The following TRIB3 variants were observed in gnomAD, a reference collection of about 807,000 sequenced individuals.
TRIB3 encodes tribbles pseudokinase 3.
In TRIB3, 20 loss-of-function variants were observed where a neutral mutation model predicts 16.6. That is an observed-to-expected ratio of 1.20 (90% CI 0.85 to 1.75). The LOEUF (loss-of-function observed/expected upper bound fraction) is 1.75, where lower values mean the gene tolerates loss of function less well. Ranked by LOEUF, TRIB3 falls within the 40% of genes most tolerant of loss-of-function variation. TRIB3 has a pLI of 0.00. For missense variants in TRIB3, 484 were observed against 488.9 expected (o/e 0.99, Z 0.10); for synonymous variants, 208 against 217.0 (o/e 0.96, Z 0.36).
In TRIB3 at chr20:396,641, A is replaced by T; in HGVS notation, c.1028A>T (p.Asp343Val). The change falls in exon 4 of 4, where the codon GAC becomes GTC. Residue 343 changes from aspartate to valine, a missense_variant. Asp to Val is a radical substitution (Grantham distance 152). Transcript: ENST00000217233. ...AQVVPDGLGL[D>V]EAREEEGDRE... is the part of the protein sequence containing the mutation. ...GTGGTCCCTGATGGACTGGGGCTGGACGAAGCCAGGGAAGAGGAGGGAGAC... is the reference window on the plus strand; with the variant it reads ...GTGGTCCCTGATGGACTGGGGCTGGTCGAAGCCAGGGAAGAGGAGGGAGAC... 6.2e-7 allele frequency: 1 copy of T among 1,612,928 alleles called. No homozygotes were observed.
At position 385,190 on chromosome 20, in the gene TRIB3, G is replaced by A. The variant is rs535609202; in HGVS notation, c.1-2821G>A. ...TGCAATGACACTATCTCAGCTCACC[G>A]CAACCTTTGCCTCCTGGGTTCAAGC... On this transcript the variant is annotated intron_variant, in intron 1 of 3. Transcript: ENST00000217233. Among the ~76,000 whole-genome samples the A allele has an allele frequency of 7.9e-5, 12 of 152,224 alleles. No homozygotes were observed. The South Asian group carries it at 1.2e-3, about 16-fold the overall frequency.
chr20:394,933 G>A (rs768580981), intron 3 of TRIB3, among the ~76,000 whole-genome samples: 31 of 152,068 alleles, frequency 2.0e-4, no homozygotes, highest in African/African-American at 6.5e-4. Context: ...ACCTGCCTGA[G>A]CCTTTGTTTC....
intron 3 of TRIB3, among the ~76,000 whole-genome samples, chr20:391,797 G>A (rs1471464239): frequency 6.6e-6 from 1 of 152,208 alleles, no homozygotes; most frequent in East Asian, 1.9e-4. Context: ...CGAGGTGGGT[G>A]AATCACTTGA....
Position 388,235 on chromosome 20 carries a change from G to A in TRIB3, c.225G>A (p.Glu75=), listed in dbSNP as rs1471155026. ...ASRLGPYVLL[E]PEEGGRAYQA... is the part of the protein sequence containing the mutation. Reference sequence around the variant, plus strand: ...GTCTTGGGCCCTATGTCCTCCTGGAGCCCGAGGAGGGCGGGCGGGCCTACC... The same window carrying A: ...GTCTTGGGCCCTATGTCCTCCTGGAACCCGAGGAGGGCGGGCGGGCCTACC... The change falls in exon 2 of 4, where the codon GAG becomes GAA. Residue 75 remains glutamate (E), a synonymous_variant. Transcript: ENST00000217233. 2 of 1,613,628 alleles carry A rather than the reference G, an allele frequency of 1.2e-6. No individual in the cohort carries two copies. Among genetic ancestry groups the A allele is most frequent in the South Asian group, 2.2e-5 (2 of 91,086 alleles).
chr20:392,296 G>A (rs759570467), intron 3 of TRIB3, among the ~76,000 whole-genome samples: 5 of 152,144 alleles, frequency 3.3e-5, no homozygotes, highest in Non-Finnish European at 7.3e-5. Flanking sequence ...TGACTCCAGA[G>A]CCTGGGTCTT....
chr20:396,897 T>C lies in TRIB3; in HGVS notation c.*207T>C. The C allele has an allele frequency of 1.5e-6, 1 of 664,010 alleles. No individual in the cohort carries two copies. Among genetic ancestry groups the C allele is most frequent in the Non-Finnish European group, 2.4e-6 (1 of 409,998 alleles). 41.1% of individuals were successfully genotyped at this position (664,010 alleles called of 1,614,324 possible). On this transcript the variant is annotated 3_prime_UTR_variant, in exon 4 of 4. Transcript: ENST00000217233. ...TGGGTGCTTATCAGGTGCCAAGCCC[T>C]GTTCTCGGTGCTGGGAGTACAGCAG...
At chr20:388,413 G>A in intron 2 of TRIB3, 112 bp downstream of exon 2, 2 of 1,333,516 alleles carry the variant, frequency 1.5e-6, no homozygotes, top group Non-Finnish European at 2.0e-6. Context: ...TCTTGTGTTT[G>A]TTTAGTGGGG....
chr20:391,492 TG>T lies in TRIB3; in HGVS notation c.499del (p.Ala167ProfsTer43), dbSNP rs771814056. On this transcript the variant is annotated frameshift_variant, in exon 3 of 4. Transcript: ENST00000217233. LOFTEE classifies it high-confidence loss of function. ...EPEAAVLFRQ[M>X]ATALAHCHQH... ...GAGGCTGCCGTGCTCTTCCGCCAGA[TG>T]GCCACCGCCCTGGCGCACTGTCACC... is the stretch of plus-strand genomic sequence containing the variant. The T allele has an allele frequency of 6.2e-7, 1 of 1,613,864 alleles. No homozygotes were observed. The highest frequency in any genetic ancestry group is 8.5e-7 in the Non-Finnish European group (1 of 1,180,004).
Position 397,551 on chromosome 20 carries a change from A to G in TRIB3, c.*861A>G, listed in dbSNP as rs1350321302. On this transcript the variant is annotated 3_prime_UTR_variant, in exon 4 of 4. Coordinates refer to ENST00000217233, the MANE Select transcript of TRIB3 (RefSeq NM_021158.5). ...TACCTGTGCCTAATAAAGGAGAATT[A>G]TGAAATAATTTTATTTTTCTCTGCA... The G allele has an allele frequency of 6.6e-6, 1 of 152,168 alleles. No homozygotes were observed. Among genetic ancestry groups the G allele is most frequent in the Non-Finnish European group, 1.5e-5 (1 of 68,030 alleles). 9.4% of individuals were successfully genotyped at this position (152,168 alleles called of 1,614,324 possible).
Position 396,515 on chromosome 20 carries a change from C to T in TRIB3, c.902C>T (p.Ala301Val), listed in dbSNP as rs150932071. The change falls in exon 4 of 4, where the codon GCT (alanine) becomes GTT (valine). Residue 301 changes from alanine (A) to valine (V), a missense_variant. By Grantham distance (64) the Ala-to-Val change is moderately conservative. Coordinates refer to ENST00000217233, the MANE Select transcript of TRIB3 (RefSeq NM_021158.5). ...LVRCLLRREP[A>V]ERLTATGILL... ...CGCTGCCTCCTTCGTCGGGAGCCAG[C>T]TGAACGGCTCACAGCCACAGGCATC... 15 of 1,613,028 alleles carry T rather than the reference C, an allele frequency of 9.3e-6. No individual in the cohort carries two copies. In the African/African-American group the frequency reaches 1.9e-4, roughly 20 times the overall value.
At position 391,592 on chromosome 20, in the gene TRIB3, T is replaced by C. The variant is rs765115145; in HGVS notation, c.584+13T>C. 3.1e-6 allele frequency: 5 copies of C among 1,598,912 alleles called. No homozygotes were observed. The highest frequency in any genetic ancestry group is 3.4e-6 in the Non-Finnish European group (4 of 1,170,780). ...CTGACCGTGAGAGGTGAGTGTGGTCTCAGAGACCCCAGCCACAGACACACC... is the reference window on the plus strand; with the variant it reads ...CTGACCGTGAGAGGTGAGTGTGGTCCCAGAGACCCCAGCCACAGACACACC... On this transcript the variant is annotated intron_variant, in intron 3 of 3. Coordinates refer to ENST00000217233, the MANE Select transcript of TRIB3 (RefSeq NM_021158.5).
intron 2 of TRIB3, among the ~76,000 whole-genome samples, chr20:389,547 G>A (rs2122685466): frequency 6.6e-6 from 1 of 152,300 alleles, no homozygotes; most frequent in East Asian, 1.9e-4. Flanking sequence ...ACAGGGTCCA[G>A]CCCCTAGCTT....
Position 381,013 on chromosome 20 carries a change from G to A in TRIB3, c.-157G>A, listed in dbSNP as rs1185808763. On this transcript the variant is annotated 5_prime_UTR_variant, in exon 1 of 4. Coordinates refer to ENST00000217233, the MANE Select transcript of TRIB3 (RefSeq NM_021158.5). The stretch of plus-strand genomic sequence containing the variant: ...CACGAGACTCGCAGCGGAAGTGGAG[G>A]CGGCTCCGCGCGCGTCCGCTGCTAG... 2.7e-5 allele frequency: 4 copies of A among 146,112 alleles called. No homozygotes were observed. Among genetic ancestry groups the A allele is most frequent in the Non-Finnish European group, 6.1e-5 (4 of 65,112 alleles). 9.1% of individuals were successfully genotyped at this position (146,112 alleles called of 1,614,324 possible).
chr20:382,523 G>A (rs2014689877), intron 1 of TRIB3: 1 of 1,535,450 alleles, frequency 6.5e-7, no homozygotes, highest in Non-Finnish European at 8.7e-7. Flanking sequence ...TCGAACCTGG[G>A]GAGCTTTCTA....
intron 1 of TRIB3, among the ~76,000 whole-genome samples, 192 bp from the exon 2 acceptor site, chr20:387,819 T>A (rs927831945): frequency 3.3e-5 from 5 of 152,170 alleles, no homozygotes; most frequent in African/African-American, 1.2e-4. Flanking sequence ...TTTAATTTTT[T>A]TGTGAGAAGT....
intron 2 of TRIB3, among the ~76,000 whole-genome samples, chr20:390,143 A>G (rs187117410): frequency 9.2e-5 from 14 of 152,216 alleles, no homozygotes; most frequent in Admixed American, 7.8e-4. Context: ...CCTGGCCAAC[A>G]TGGTGAAACC....
chr20:388,268 G>T lies in TRIB3; in HGVS notation c.258G>T (p.Leu86=). The part of the protein sequence containing the change: ...PEEGGRAYQA[L]HCPTGTEYTC... ...AGGGCGGGCGGGCCTACCAGGCCCT[G>T]CACTGCCCTACAGGCACTGAGTATA... The change falls in exon 2 of 4, where the codon CTG becomes CTT. Residue 86 remains leucine, a synonymous_variant. Coordinates refer to ENST00000217233, the MANE Select transcript of TRIB3 (RefSeq NM_021158.5). The T allele has an allele frequency of 6.2e-7, 1 of 1,612,980 alleles. No homozygotes were observed. Among genetic ancestry groups the T allele is most frequent in the Non-Finnish European group, 8.5e-7 (1 of 1,179,966 alleles).
intron 1 of TRIB3, among the ~76,000 whole-genome samples, chr20:384,289 G>A (rs1472994640): frequency 1.3e-5 from 2 of 152,136 alleles, no homozygotes; most frequent in Non-Finnish European, 2.9e-5. Flanking sequence ...ATCCTATTGT[G>A]TGTTAATTAG....
chr20:387,015 T>G (rs1456608964), intron 1 of TRIB3, among the ~76,000 whole-genome samples: 1 of 148,436 alleles, frequency 6.7e-6, no homozygotes, highest in African/African-American at 2.5e-5. Flanking sequence ...CCTCCCAAAG[T>G]GCTGGGATTA....
Sources: gnomAD v4.1 joint callset for allele counts (sites outside exome capture counted in the v4.1 genomes callset) on GRCh38, gnomAD v4.1.1 for gene constraint, MANE v1.5 for transcripts, NCBI Gene and HGNC (gene_info 2026-07-23, HGNC 2026-07-21) for gene names.